Variants in CLSTN3 observed in about 807,000 individuals in gnomAD.
The protein encoded by CLSTN3 is calsyntenin 3, also known as calsyntenin-3.
Under a neutral mutation model 95.9 loss-of-function variants are expected in CLSTN3, and 36 were observed. The ratio of observed to expected loss-of-function variants is 0.38; its 90% CI spans 0.29 to 0.50. The LOEUF (loss-of-function observed/expected upper bound fraction) is 0.50, where lower values mean the gene tolerates loss of function less well. Among genes scored for constraint, CLSTN3 ranks in the 20% least tolerant of loss-of-function variants. The pLI, the probability that CLSTN3 is intolerant of heterozygous loss-of-function variation, is 0.95. For synonymous variants in CLSTN3, 481 were observed against 504.0 expected, an observed-to-expected ratio of 0.95 and a Z score of 0.61; for missense variants, 1,084 against 1,268.8, an observed-to-expected ratio of 0.85 and a Z score of 2.21.
At chr12:7,143,068 C>T (rs752969948) in intron 11 of CLSTN3, 42 bp downstream of exon 11, 2 of 1,599,398 alleles carry the variant, frequency 1.3e-6, no homozygotes, top group Admixed American at 1.7e-5. Context: ...CAGCATGCCC[C>T]TTGCCCCACC....
upstream of CLSTN3, chr12:7,129,238 T>C (rs1403623255): frequency 1.7e-5 from 4 of 228,982 alleles, no homozygotes; most frequent in Non-Finnish European, 3.6e-5. The surrounding 1 kb of genome is among the most constrained non-coding windows in gnomAD (Gnocchi z 5.5). Context: ...GAGGCTGGTC[T>C]GGCTGTGTGA....
rs1420705156 is a variant in CLSTN3 at position 7,141,235 on chromosome 12, C to T, written c.1324-7C>T. ...GAGAGGCTCTTGCCCCTACCCTACTCTCCCAGGTCTGTGATGATGAGTGGC... is the reference window on the plus strand; with the variant it reads ...GAGAGGCTCTTGCCCCTACCCTACTTTCCCAGGTCTGTGATGATGAGTGGC... On this transcript the variant is annotated splice_region_variant and splice_polypyrimidine_tract_variant and intron_variant, in intron 8 of 17. Transcript: ENST00000266546. The surrounding 1 kb of genome is among the most constrained non-coding windows in gnomAD (Gnocchi z 4.1). The T allele has an allele frequency of 1.2e-6, 2 of 1,613,364 alleles. No individual in the cohort carries two copies. Among genetic ancestry groups the T allele is most frequent in the Non-Finnish European group, 1.7e-6 (2 of 1,179,650 alleles).
rs142150232 is a variant in CLSTN3, at chr12:7,135,445, G to T, written c.502G>T (p.Ala168Ser). The part of the protein sequence containing the change: ...KLYDRILRVE[A>S]IDGDCSPQYS... ...GTACGATCGCATCCTGCGGGTGGAA[G>T]CCATTGACGGTGACTGCTCCCCCCA... Residue 168 changes from alanine (A) to serine (S), a missense_variant, in exon 4 of 18, where the codon GCC (alanine) becomes TCC (serine). Transcript: ENST00000266546. 3,737 of 1,614,128 alleles carry T rather than the reference G, an allele frequency of 2.3e-3. 5 individuals carry two copies. Among genetic ancestry groups the T allele is most frequent in the Non-Finnish European group, 3.0e-3 (3,517 of 1,180,000 alleles).
chr12:7,131,876 G>A, intron 1 of CLSTN3: 3 of 456,472 alleles, frequency 6.6e-6, no homozygotes, highest in South Asian at 3.1e-5. Context: ...TTGCTGGTGT[G>A]TGGTTGGAGG....
Position 7,133,099 on chromosome 12 carries a change from A to G in CLSTN3, c.140A>G (p.Asn47Ser). 6.2e-7 allele frequency: 1 copy of G among 1,614,108 alleles called. No homozygotes were observed. The highest frequency in any genetic ancestry group is 8.5e-7 in the Non-Finnish European group (1 of 1,180,006). The change falls in exon 2 of 18, where the codon AAT becomes AGT. Residue 47 changes from asparagine to serine, a missense_variant. Coordinates refer to ENST00000266546, the MANE Select transcript of CLSTN3 (RefSeq NM_014718.4). The surrounding 1 kb of genome is among the most constrained non-coding windows in gnomAD (Gnocchi z 4.7). The part of the protein sequence containing the change: ...VMENDNTVLL[N>S]PPLFALDKDA... ...GAGAATGACAACACGGTCCTACTGA[A>G]TCCACCACTCTTTGCCTTGGACAAG...
chr12:7,142,242 C>T, intron 10 of CLSTN3, 103 bp downstream of exon 10: 2 of 979,550 alleles, frequency 2.0e-6, no homozygotes, highest in East Asian at 2.6e-5. Flanking sequence ...TGACAGCCTC[C>T]TAGGCCACCA....
rs1565649220 is a variant in CLSTN3 at position 7,135,991 on chromosome 12, C to T, written c.742+38C>T. The T allele has an allele frequency of 3.8e-6, 6 of 1,566,212 alleles. No homozygotes were observed. The South Asian group carries it at 6.0e-5, about 16-fold the overall frequency. Reference sequence around the variant, plus strand: ...CGCTGTGCCCCATCTTGTGAATCATCTTTTTTCTTGGTCTCTCTTTCTGTC... The same window carrying T: ...CGCTGTGCCCCATCTTGTGAATCATTTTTTTTCTTGGTCTCTCTTTCTGTC... On this transcript the variant is annotated intron_variant, in intron 5 of 17. Transcript: ENST00000266546.
chr12:7,131,773 C>T (rs1939308645), intron 1 of CLSTN3: 1 of 454,804 alleles, frequency 2.2e-6, no homozygotes, highest in Admixed American at 2.4e-5. Flanking sequence ...ACTTCCTGTA[C>T]CGCCTCCTGT....
chr12:7,151,148 G>A, intron 16 of CLSTN3, 85 bp downstream of exon 16: 1 of 1,422,154 alleles, frequency 7.0e-7, no homozygotes, highest in Non-Finnish European at 9.3e-7. Context: ...TCCACCTCTG[G>A]GAGAGGACAA....
Position 7,141,163 on chromosome 12 carries a change from GGAGAT to G in CLSTN3, c.1324-77_1324-73del. 1 of 1,438,812 alleles carries G rather than the reference GGAGAT, an allele frequency of 7.0e-7. No individual in the cohort carries two copies. Among genetic ancestry groups the G allele is most frequent in the Non-Finnish European group, 9.5e-7 (1 of 1,054,376 alleles). 89.1% of individuals were successfully genotyped at this position (1,438,812 alleles called of 1,614,324 possible). On this transcript the variant is annotated intron_variant, in intron 8 of 17. Transcript: ENST00000266546. This position sits in a 1 kb window ranked among gnomAD's most constrained non-coding sequence, Gnocchi z 4.1. ...TAAAGGGACTGTCCCCTGTCTCCCAGGAGATGGGGCAGTGCCTAGGGTTAGCTCTC... is the reference window on the plus strand; with the variant it reads ...TAAAGGGACTGTCCCCTGTCTCCCAGGGGGCAGTGCCTAGGGTTAGCTCTC...
intron 1 of CLSTN3, 91 bp downstream of exon 1, chr12:7,130,803 G>T: frequency 8.7e-7 from 1 of 1,146,138 alleles, no homozygotes; most frequent in Non-Finnish European, 1.3e-6. Context: ...AGGCTCCCTG[G>T]CACCTGACAG....
chr12:7,142,061 G>GT (rs63110460), intron 9 of CLSTN3, 25 bp from the exon 10 acceptor site: 136,586 of 1,294,950 alleles, frequency 0.11, 1,446 homozygotes, highest in East Asian at 0.21. Flanking sequence ...CACCAGCACT[G>GT]TTTTTTTTTT....
At chr12:7,151,161 T>G in intron 16 of CLSTN3, 98 bp downstream of exon 16, 1 of 1,368,504 alleles carries the variant, frequency 7.3e-7, no homozygotes, top group Non-Finnish European at 9.7e-7. Context: ...GAGGACAAGG[T>G]AGGTGGAGCA....
upstream of CLSTN3, chr12:7,130,315 CCAGTCACCTGATTGG>C: frequency 1.0e-6 from 1 of 992,698 alleles, no homozygotes; most frequent in Non-Finnish European, 1.3e-6. Context: ...CCCCCCCCTC[CCAGTCACCTGATTGG>C]CCGGCGGCCC....
chr12:7,139,617 G>A (rs1398007797), intron 8 of CLSTN3, among the ~76,000 whole-genome samples: 3 of 151,560 alleles, frequency 2.0e-5, no homozygotes, highest in African/African-American at 7.3e-5. Context: ...GGCATGACCT[G>A]ATCAGATTTA....
At chr12:7,131,937 G>A in intron 1 of CLSTN3, 2 of 456,036 alleles carry the variant, frequency 4.4e-6, no homozygotes, top group South Asian at 3.1e-5. Flanking sequence ...TGGGGATGAG[G>A]TTCCTTTTGG....
At position 7,157,502 on chromosome 12, in the gene CLSTN3, C is replaced by A; in HGVS notation, c.2541C>A (p.Ala847=). 1.3e-6 allele frequency: 2 copies of A among 1,587,454 alleles called. No homozygotes were observed. Among genetic ancestry groups the A allele is most frequent in the Non-Finnish European group, 1.7e-6 (2 of 1,165,732 alleles). ...CTCTCTCTGCAGTGATACCCAGCGC[C>A]GCAACCCTCATCATTGTGGTGTGCG... The part of the protein sequence containing the change: ...SSHRNSMIPS[A]ATLIIVVCVG... The change falls in exon 17 of 18, where the codon GCC becomes GCA. Residue 847 remains alanine (A), a synonymous_variant. Coordinates refer to ENST00000266546, the MANE Select transcript of CLSTN3 (RefSeq NM_014718.4). This position sits in a 1 kb window ranked among gnomAD's most constrained non-coding sequence, Gnocchi z 5.9.
chr12:7,130,310 C>G (rs951850811), upstream of CLSTN3: 84 of 815,418 alleles, frequency 1.0e-4, 3 homozygotes, highest in Non-Finnish European at 1.0e-4. Context: ...TGGTCCCCCC[C>G]CCTCCCAGTC....
upstream of CLSTN3, chr12:7,129,441 C>T (rs1240563782): frequency 5.4e-6 from 1 of 185,092 alleles, no homozygotes; most frequent in Non-Finnish European, 1.0e-5. The surrounding 1 kb of genome is among the most constrained non-coding windows in gnomAD (Gnocchi z 5.5). Context: ...CCTAAAGAGC[C>T]ATTAGGAGGG....
Sources: gnomAD v4.1 joint callset for allele counts (sites outside exome capture counted in the v4.1 genomes callset) on GRCh38, gnomAD v4.1.1 for gene constraint, Gnocchi (gnomAD v3.1) non-coding constraint, MANE v1.5 for transcripts, NCBI Gene and HGNC (gene_info 2026-07-23, HGNC 2026-07-21) for gene names.